FRRS1: variants seen among roughly 807,000 people sequenced by gnomAD.
The protein encoded by FRRS1 is ferric reductase 1.
FRRS1 carries 51 observed loss-of-function variants against 70.7 expected under a neutral mutation model. That is an observed-to-expected ratio of 0.72 (90% CI 0.58 to 0.91). The LOEUF is 0.91. FRRS1 is among the 40% of genes least tolerant of loss of function. The pLI is 0.00. For missense variants in FRRS1, 672 were observed against 726.0 expected, an observed-to-expected ratio of 0.93 and a Z score of 0.86; for synonymous variants, 225 against 238.7, an observed-to-expected ratio of 0.94 and a Z score of 0.53.
chr1:99,764,317 T>G (rs1657255591), intron 1 of FRRS1, among the ~76,000 whole-genome samples: 1 of 152,204 alleles, frequency 6.6e-6, no homozygotes, highest in African/African-American at 2.4e-5. Flanking sequence ...TGTTTACCCC[T>G]TAGGAAGGTA....
At chr1:99,713,547 T>A (rs563307440) in intron 12 of FRRS1, among the ~76,000 whole-genome samples, 38 of 152,308 alleles carry the variant, frequency 2.5e-4, no homozygotes, top group African/African-American at 8.9e-4. Flanking sequence ...ATCAATCTTA[T>A]CCCTGTAGCA....
chr1:99,738,310 C>A (rs2100960554), intron 6 of FRRS1, 42 bp from the exon 7 acceptor site: 1 of 1,478,986 alleles, frequency 6.8e-7, no homozygotes, highest in Non-Finnish European at 9.2e-7. Flanking sequence ...AATTATCAAA[C>A]AAGCAGTTCA....
At chr1:99,758,952 G>A (rs1165980913) in intron 1 of FRRS1, among the ~76,000 whole-genome samples, 1 of 152,134 alleles carries the variant, frequency 6.6e-6, no homozygotes, top group Non-Finnish European at 1.5e-5. Context: ...GAATTACTAG[G>A]TTGGGGCAAA....
chr1:99,739,180 A>T (rs1655829267), intron 6 of FRRS1, among the ~76,000 whole-genome samples: 3 of 152,192 alleles, frequency 2.0e-5, no homozygotes, highest in Admixed American at 6.5e-5. Context: ...CTTCAACTAC[A>T]CAACAAGAAA....
chr1:99,728,690 A>C, intron 8 of FRRS1, 50 bp from the exon 9 acceptor site: 3 of 1,539,552 alleles, frequency 1.9e-6, no homozygotes, highest in Non-Finnish European at 2.7e-6. Flanking sequence ...AGATTTGCTA[A>C]AAATAAGATA....
chr1:99,717,164 G>C (rs1421806236), intron 11 of FRRS1, among the ~76,000 whole-genome samples: 1 of 152,084 alleles, frequency 6.6e-6, no homozygotes, highest in East Asian at 1.9e-4. Context: ...ATTACAAAGG[G>C]ACTCACATGG....
At chr1:99,742,598 T>C (rs537584868) in intron 4 of FRRS1, among the ~76,000 whole-genome samples, 8 of 152,350 alleles carry the variant, frequency 5.3e-5, no homozygotes, top group Admixed American at 2.6e-4. Context: ...CATTAATAGA[T>C]ACAAATAGAA....
At chr1:99,715,394 A>G (rs1011130544) in intron 12 of FRRS1, among the ~76,000 whole-genome samples, 192 bp downstream of exon 12, 9 of 152,316 alleles carry the variant, frequency 5.9e-5, no homozygotes, top group African/African-American at 1.7e-4. Flanking sequence ...TTTCATTGCT[A>G]AGTAATCTGT....
intron 7 of FRRS1, 43 bp downstream of exon 7, chr1:99,738,043 G>T: frequency 6.7e-7 from 1 of 1,501,928 alleles, no homozygotes; most frequent in South Asian, 1.2e-5. Context: ...GCCTAGCCGT[G>T]ATTCTCCTTT....
chr1:99,760,859 C>T (rs1427598699), intron 1 of FRRS1, among the ~76,000 whole-genome samples: 23 of 152,044 alleles, frequency 1.5e-4, no homozygotes, highest in Admixed American at 1.5e-3. Context: ...CCATGTTGGC[C>T]AGGCTGGTCT....
chr1:99,748,550 A>C, intron 3 of FRRS1, 23 bp downstream of exon 3: 1 of 1,575,718 alleles, frequency 6.3e-7, no homozygotes, highest in Non-Finnish European at 8.7e-7. Flanking sequence ...CCAAAATGTA[A>C]ACAGTTAATC....
Position 99,748,612 on chromosome 1 carries a change from C to T in FRRS1, c.157G>A (p.Val53Met), listed in dbSNP as rs369731958. Residue 53 changes from valine (V) to methionine (M), a missense_variant, in exon 3 of 17, where the codon GTG (valine) becomes ATG (methionine). By Grantham distance (21) the Val-to-Met change is conservative. Transcript: ENST00000646001. Reference protein sequence around the residue: ...PQSVPVHDIYVSQMTFRPGDQ... With the variant: ...PQSVPVHDIYMSQMTFRPGDQ... ...CCTGGCCTGAATGTCATCTGACTCACGTAAATGTCATGAACAGGAACAGAC... is the reference window on the plus strand; with the variant it reads ...CCTGGCCTGAATGTCATCTGACTCATGTAAATGTCATGAACAGGAACAGAC... 8 of 1,613,994 alleles carry T rather than the reference C, an allele frequency of 5.0e-6. No homozygotes were observed. The highest frequency in any genetic ancestry group is 2.2e-5 in the East Asian group (1 of 44,856).
intron 6 of FRRS1, among the ~76,000 whole-genome samples, chr1:99,739,888 TTTA>T (rs1466354695): frequency 6.6e-6 from 1 of 151,982 alleles, no homozygotes; most frequent in African/African-American, 2.4e-5. Flanking sequence ...ACGTTTTTTT[TTTA>T]TTGTATCCAC....
At chr1:99,766,468 C>A (rs959674157) in intron 1 of FRRS1, 139 bp downstream of exon 1, 7 of 152,174 alleles carry the variant, frequency 4.6e-5, no homozygotes, top group African/African-American at 1.7e-4. Flanking sequence ...AACATAGTTT[C>A]GGAATACAGC....
At chr1:99,716,778 A>G (rs1654552468) in intron 11 of FRRS1, among the ~76,000 whole-genome samples, 3 of 152,228 alleles carry the variant, frequency 2.0e-5, no homozygotes, top group South Asian at 2.1e-4. Flanking sequence ...TCTATACTCC[A>G]TGACCCATGA....
chr1:99,749,642 T>C (rs1427613066), intron 1 of FRRS1, among the ~76,000 whole-genome samples: 1 of 152,154 alleles, frequency 6.6e-6, no homozygotes, highest in Non-Finnish European at 1.5e-5. Context: ...AGATAATAAT[T>C]CTACTACATG....
At chr1:99,758,446 G>A (rs143979597) in intron 1 of FRRS1, among the ~76,000 whole-genome samples, 2,414 of 152,274 alleles carry the variant, frequency 0.016, 65 homozygotes, top group African/African-American at 0.055. Context: ...AAATTGTGAA[G>A]ATTTCATTTT....
At chr1:99,745,833 T>C (rs964955479) in intron 4 of FRRS1, among the ~76,000 whole-genome samples, 1 of 152,180 alleles carries the variant, frequency 6.6e-6, no homozygotes. Flanking sequence ...GGCTTGGTGC[T>C]GTTCCTCGAG....
At chr1:99,753,666 G>A (rs1308691829) in intron 1 of FRRS1, among the ~76,000 whole-genome samples, 1 of 152,014 alleles carries the variant, frequency 6.6e-6, no homozygotes, top group Non-Finnish European at 1.5e-5. Flanking sequence ...CAACTACTCA[G>A]GAGGCTGAGG....
Sources: gnomAD v4.1 joint callset for allele counts (sites outside exome capture counted in the v4.1 genomes callset) on GRCh38, gnomAD v4.1.1 for gene constraint, MANE v1.5 for transcripts, NCBI Gene and HGNC (gene_info 2026-07-23, HGNC 2026-07-21) for gene names.